CCSER1: variants seen among roughly 807,000 people sequenced by gnomAD.
CCSER1 encodes serine-rich coiled-coil domain-containing protein 1.
CCSER1 carries 41 observed loss-of-function variants against 82.0 expected under a neutral mutation model. That is an observed-to-expected ratio of 0.50 (90% confidence interval 0.39 to 0.65). CCSER1 has a LOEUF of 0.65. CCSER1 is among the 30% of genes least tolerant of loss of function. The pLI, the probability that CCSER1 is intolerant of heterozygous loss-of-function variation, is 0.00. For missense variants in CCSER1, 1,119 were observed against 1,064.2 expected (o/e 1.05, Z -0.72); for synonymous variants, 414 against 383.9 (o/e 1.08, Z -0.92).
chr4:91,130,421 T>A (rs1275264880), intron 10 of CCSER1, among the ~76,000 whole-genome samples: 1 of 151,914 alleles, frequency 6.6e-6, no homozygotes, highest in African/African-American at 2.4e-5. Context: ...ATGAAGGAAA[T>A]TGTTTTTTAC....
intron 10 of CCSER1, among the ~76,000 whole-genome samples, chr4:91,156,263 A>G (rs1222659174): frequency 2.0e-5 from 3 of 151,806 alleles, no homozygotes; most frequent in Admixed American, 1.3e-4. Context: ...CAAATAATAA[A>G]TGAAATAATC....
intron 10 of CCSER1, among the ~76,000 whole-genome samples, chr4:91,182,711 CACTT>C: frequency 6.6e-6 from 1 of 152,290 alleles, no homozygotes; most frequent in South Asian, 2.1e-4. Flanking sequence ...CAAAAGATGA[CACTT>C]AACACAGGCG....
chr4:90,509,480 T>C (rs73833399), intron 5 of CCSER1, among the ~76,000 whole-genome samples: 70 of 152,226 alleles, frequency 4.6e-4, no homozygotes, highest in African/African-American at 1.6e-3. Context: ...AACAAGGAAT[T>C]GAGTCATATT....
At chr4:91,253,893 A>C (rs896041403) in intron 10 of CCSER1, among the ~76,000 whole-genome samples, 1 of 151,986 alleles carries the variant, frequency 6.6e-6, no homozygotes, top group Non-Finnish European at 1.5e-5. Flanking sequence ...AAATAACCAG[A>C]TCTCATGAGA....
At chr4:91,154,923 C>T (rs1393138390) in intron 10 of CCSER1, among the ~76,000 whole-genome samples, 2 of 151,726 alleles carry the variant, frequency 1.3e-5, no homozygotes, top group Non-Finnish European at 2.9e-5. Context: ...AGAAGGATGC[C>T]ACCTTTCTAA....
At chr4:90,171,106 C>A in intron 1 of CCSER1, among the ~76,000 whole-genome samples, 1 of 150,820 alleles carries the variant, frequency 6.6e-6, no homozygotes, top group Non-Finnish European at 1.5e-5. Context: ...CTCATGTACC[C>A]CATAAATATA....
chr4:91,150,411 C>G (rs965837838), intron 10 of CCSER1, among the ~76,000 whole-genome samples: 1 of 152,166 alleles, frequency 6.6e-6, no homozygotes. Flanking sequence ...AATATACAAT[C>G]ATGTCATCTG....
At chr4:91,164,269 C>G (rs1407051677) in intron 10 of CCSER1, among the ~76,000 whole-genome samples, 1 of 152,112 alleles carries the variant, frequency 6.6e-6, no homozygotes, top group Non-Finnish European at 1.5e-5. Flanking sequence ...CCACTTTTTT[C>G]TGGCTTGCAG....
rs570057725 is a variant in CCSER1 at position 91,153,329 on chromosome 4, C to T, written c.2217+67335C>T. Among the ~76,000 whole-genome samples the T allele has an allele frequency of 5.9e-5, 9 of 152,028 alleles. No individual in the cohort carries two copies. In the East Asian group the frequency reaches 1.2e-3, roughly 20 times the overall value. Reference sequence around the variant, plus strand: ...GCTCTTGAAGCTTGTGCATGCATCACGTAGTTCTCATGCCATGGTTTTCAG... The same window carrying T: ...GCTCTTGAAGCTTGTGCATGCATCATGTAGTTCTCATGCCATGGTTTTCAG... On this transcript the variant is annotated intron_variant, in intron 10 of 10. Coordinates refer to ENST00000509176, the MANE Select transcript of CCSER1 (RefSeq NM_001145065.2).
At chr4:91,534,782 C>T (rs571057659) in intron 10 of CCSER1, among the ~76,000 whole-genome samples, 2 of 151,744 alleles carry the variant, frequency 1.3e-5, no homozygotes, top group East Asian at 3.9e-4. Flanking sequence ...TCTAAATATC[C>T]TAATTACTTT....
At chr4:91,074,773 A>G (rs1351288197) in intron 9 of CCSER1, among the ~76,000 whole-genome samples, 1 of 152,204 alleles carries the variant, frequency 6.6e-6, no homozygotes, top group Non-Finnish European at 1.5e-5. Context: ...TAAATGTTAA[A>G]AAGTCACACA....
At chr4:90,542,487 C>T (rs1218618444) in intron 5 of CCSER1, among the ~76,000 whole-genome samples, 1 of 152,074 alleles carries the variant, frequency 6.6e-6, no homozygotes, top group Non-Finnish European at 1.5e-5. Context: ...AAGCTTCATG[C>T]ACCGCAATCA....
chr4:91,119,365 A>G (rs1282587791), intron 10 of CCSER1, among the ~76,000 whole-genome samples: 1 of 152,032 alleles, frequency 6.6e-6, no homozygotes, highest in African/African-American at 2.4e-5. Flanking sequence ...TTATATATAT[A>G]TAAAATATAT....
At chr4:90,770,677 AC>A (rs1751955841) in intron 7 of CCSER1, among the ~76,000 whole-genome samples, 2 of 151,894 alleles carry the variant, frequency 1.3e-5, no homozygotes, top group South Asian at 4.1e-4. Context: ...CCCTCTACTG[AC>A]TTTTTTTATG....
At chr4:90,234,675 TCTG>T (rs1232913715) in intron 1 of CCSER1, among the ~76,000 whole-genome samples, 2 of 152,336 alleles carry the variant, frequency 1.3e-5, no homozygotes, top group African/African-American at 2.4e-5. Flanking sequence ...TGACAGATAC[TCTG>T]CTAAGTTATT....
chr4:90,474,964 A>C (rs1252215873), intron 5 of CCSER1, among the ~76,000 whole-genome samples: 1 of 152,184 alleles, frequency 6.6e-6, no homozygotes, highest in Non-Finnish European at 1.5e-5. Context: ...GTTATCTTGA[A>C]TTAGTAATAG....
chr4:90,992,371 A>T (rs562481896), intron 9 of CCSER1, among the ~76,000 whole-genome samples: 1 of 152,208 alleles, frequency 6.6e-6, no homozygotes, highest in East Asian at 1.9e-4. Context: ...AATTATAGAT[A>T]TCTTTGTAAT....
chr4:90,455,912 A>G (rs1413502089), intron 4 of CCSER1, among the ~76,000 whole-genome samples: 2 of 152,112 alleles, frequency 1.3e-5, no homozygotes, highest in African/African-American at 4.8e-5. Flanking sequence ...TCTCACATCT[A>G]GTTTTTCTTT....
intron 9 of CCSER1, among the ~76,000 whole-genome samples, chr4:90,962,903 C>CT (rs1411871857): frequency 4.0e-5 from 6 of 151,838 alleles, no homozygotes; most frequent in African/African-American, 1.5e-4. Context: ...AATTTATCAG[C>CT]ATTAATGATA....
Sources: allele counts gnomAD v4.1 joint callset (sites outside exome capture counted in the v4.1 genomes callset), GRCh38; gene constraint gnomAD v4.1.1; transcripts MANE v1.5; gene names NCBI Gene and HGNC (gene_info 2026-07-23, HGNC 2026-07-21).